Variants in CREB5 observed in about 807,000 individuals in gnomAD.
The protein encoded by CREB5 is cAMP responsive element binding protein 5.
In CREB5, 19 loss-of-function variants were observed where a neutral mutation model predicts 57.1. The ratio of observed to expected loss-of-function variants is 0.33; its 90% CI spans 0.23 to 0.49. The LOEUF (loss-of-function observed/expected upper bound fraction) is 0.49, where lower values mean the gene tolerates loss of function less well. Among genes scored for constraint, CREB5 ranks in the 20% least tolerant of loss-of-function variants. The probability of loss-of-function intolerance (pLI) is 0.99; values close to 1 mark genes in which losing one functional copy is unlikely to be tolerated. For missense variants in CREB5, 579 were observed against 671.6 expected (o/e 0.86, Z 1.52); for synonymous variants, 238 against 238.3 (o/e 1.00, Z 0.01).
intron 1 of CREB5, among the ~76,000 whole-genome samples, chr7:28,470,660 TC>T (rs1376475797): frequency 6.6e-6 from 1 of 152,220 alleles, no homozygotes; most frequent in African/African-American, 2.4e-5. Flanking sequence ...CAAATGGTTG[TC>T]CACAGTGATT....
At chr7:28,632,406 A>G (rs1403536190) in intron 5 of CREB5, among the ~76,000 whole-genome samples, 1 of 152,166 alleles carries the variant, frequency 6.6e-6, no homozygotes, top group East Asian at 1.9e-4. Context: ...AGGACTAGGA[A>G]GAGATGTCAG....
intron 4 of CREB5, among the ~76,000 whole-genome samples, chr7:28,544,189 C>T (rs1794322753): frequency 6.6e-6 from 1 of 152,004 alleles, no homozygotes; most frequent in Non-Finnish European, 1.5e-5. Flanking sequence ...GAGCTGGTCT[C>T]ATTGCTTTAT....
At chr7:28,435,294 T>A (rs374285237) in intron 1 of CREB5, among the ~76,000 whole-genome samples, 2 of 152,026 alleles carry the variant, frequency 1.3e-5, no homozygotes, top group African/African-American at 4.8e-5. Context: ...TGTGGGCTTG[T>A]GAAAATTCAG....
chr7:28,530,489 G>A (rs1023707850), intron 4 of CREB5, among the ~76,000 whole-genome samples: 8 of 152,092 alleles, frequency 5.3e-5, no homozygotes, highest in African/African-American at 1.9e-4. Flanking sequence ...CTGAAAAGCT[G>A]AAAAAACATA....
intron 1 of CREB5, among the ~76,000 whole-genome samples, chr7:28,435,216 T>G (rs1309766379): frequency 3.3e-5 from 5 of 151,962 alleles, no homozygotes; most frequent in African/African-American, 4.8e-5. Flanking sequence ...TTCTGTAATT[T>G]ACAAGGCTGT....
chr7:28,751,255 T>G (rs1053408474), intron 7 of CREB5, among the ~76,000 whole-genome samples: 13 of 151,492 alleles, frequency 8.6e-5, no homozygotes, highest in Admixed American at 8.5e-4. Context: ...TACACATCTT[T>G]ATTAACTCAG....
At chr7:28,505,965 A>G (rs1792463822) in intron 3 of CREB5, among the ~76,000 whole-genome samples, 1 of 152,228 alleles carries the variant, frequency 6.6e-6, no homozygotes, top group Admixed American at 6.5e-5. Flanking sequence ...ACTCTTTCAC[A>G]CATCCCTTAT....
intron 7 of CREB5, among the ~76,000 whole-genome samples, chr7:28,751,205 TG>T (rs970289750): frequency 1.1e-5 from 1 of 90,970 alleles, no homozygotes; most frequent in East Asian, 3.9e-4. Flanking sequence ...GGGTGGGGGG[TG>T]GGGGGACACT....
chr7:28,382,847 A>G (rs1786993340), intron 1 of CREB5, among the ~76,000 whole-genome samples: 1 of 151,926 alleles, frequency 6.6e-6, no homozygotes, highest in Non-Finnish European at 1.5e-5. Context: ...TCATTATCTT[A>G]TTTAGCTTTG....
At position 28,757,590 on chromosome 7, in the gene CREB5, G is replaced by A. The variant is rs553703670; in HGVS notation, c.702+33258G>A. ...CGGGAGGCTGAGGCAGGAGAATGGCGTGAACCCAGGAGCCAGAGCTTGCAG... is the reference window on the plus strand; with the variant it reads ...CGGGAGGCTGAGGCAGGAGAATGGCATGAACCCAGGAGCCAGAGCTTGCAG... On this transcript the variant is annotated intron_variant, in intron 7 of 10. Transcript: ENST00000357727. 1.8e-3 allele frequency among the ~76,000 whole-genome samples: 270 copies of A among 151,700 alleles called. 3 individuals are homozygous for A. Among genetic ancestry groups the A allele is most frequent in the African/African-American group, 6.5e-3 (267 of 41,310 alleles).
At chr7:28,393,026 G>A (rs1787254139) in intron 1 of CREB5, among the ~76,000 whole-genome samples, 2 of 151,996 alleles carry the variant, frequency 1.3e-5, no homozygotes, top group Admixed American at 1.3e-4. Context: ...TTAGGTTCAA[G>A]CGATTCTCCT....
intron 5 of CREB5, among the ~76,000 whole-genome samples, chr7:28,658,267 G>A (rs909283291): frequency 6.6e-6 from 1 of 152,148 alleles, no homozygotes; most frequent in Non-Finnish European, 1.5e-5. Flanking sequence ...AATTTCTGAA[G>A]TCAAAGAGTA....
In CREB5 at chr7:28,818,165, C is replaced by T; in HGVS notation, c.1349C>T (p.Ser450Leu). Residue 450 changes from serine (S) to leucine (L), a missense_variant, in exon 10 of 11, where the codon TCA (serine) becomes TTA (leucine). Around this residue, in one of 3 missense-constraint regions of CREB5, gnomAD observed 114 missense variants for 130.8 expected, o/e 0.87. Transcript: ENST00000357727. Reference protein sequence around the residue: ...DCPITAMQKESQGYLSPESSP... With the variant: ...DCPITAMQKELQGYLSPESSP... ...CCAATAACAGCCATGCAGAAAGAAT[C>T]ACAAGGATATCTAAGTAAGTCGCCG... 1.2e-6 allele frequency: 2 copies of T among 1,611,634 alleles called. No homozygotes were observed. The highest frequency in any genetic ancestry group is 1.7e-6 in the Non-Finnish European group (2 of 1,178,714).
At chr7:28,678,698 C>A (rs1444682960) in intron 5 of CREB5, among the ~76,000 whole-genome samples, 4 of 152,116 alleles carry the variant, frequency 2.6e-5, no homozygotes, top group African/African-American at 9.7e-5. Context: ...ATTTATTCAC[C>A]CTTATCAAAA....
chr7:28,390,142 C>T (rs1015472632), intron 1 of CREB5, among the ~76,000 whole-genome samples: 3 of 151,668 alleles, frequency 2.0e-5, no homozygotes, highest in African/African-American at 7.3e-5. Context: ...ATAACCATCG[C>T]TTATTTGTCT....
intron 2 of CREB5, among the ~76,000 whole-genome samples, chr7:28,493,215 G>A (rs978833174): frequency 3.9e-5 from 6 of 152,306 alleles, no homozygotes; most frequent in Middle Eastern, 3.4e-3. Context: ...TGAGGAATTA[G>A]AAAGCTCTGA....
At chr7:28,696,138 C>T (rs565596291) in intron 5 of CREB5, among the ~76,000 whole-genome samples, 1 of 152,322 alleles carries the variant, frequency 6.6e-6, no homozygotes, top group African/African-American at 2.4e-5. Context: ...TACCCAGGTG[C>T]CGTACCATTC....
intron 7 of CREB5, among the ~76,000 whole-genome samples, chr7:28,790,424 AAGAAAGAG>A (rs1262116076): frequency 1.1e-4 from 13 of 114,566 alleles, no homozygotes; most frequent in Admixed American, 3.9e-4. Flanking sequence ...AGAAGAAAGA[AAGAAAGAG>A]AGAGAGAGAG....
chr7:28,463,477 TTTTG>T (rs1422583675), intron 1 of CREB5, among the ~76,000 whole-genome samples: 1 of 152,222 alleles, frequency 6.6e-6, no homozygotes, highest in Admixed American at 6.5e-5. Flanking sequence ...AAAGCCGGGA[TTTTG>T]TTTAAGATTG....
Sources: gnomAD v4.1 joint callset for allele counts (sites outside exome capture counted in the v4.1 genomes callset) on GRCh38, gnomAD v4.1.1 for gene constraint, gnomAD v4.1.1 regional missense constraint, MANE v1.5 for transcripts, NCBI Gene and HGNC (gene_info 2026-07-23, HGNC 2026-07-21) for gene names.